RIN3: variants seen among roughly 807,000 people sequenced by gnomAD.
RIN3 encodes the protein RAB5 interacting protein 3.
RIN3 carries 54 observed loss-of-function variants against 76.3 expected under a neutral mutation model. That is an observed-to-expected ratio of 0.71 (90% CI 0.57 to 0.89). RIN3 has a LOEUF of 0.89. Ranked by LOEUF, RIN3 falls within the 40% of genes least tolerant of loss-of-function variation. The pLI is 0.00. For missense variants in RIN3, 1,256 were observed against 1,322.1 expected (o/e 0.95, Z 0.78); for synonymous variants, 576 against 564.0 (o/e 1.02, Z -0.30).
chr14:92,638,521 G>C (rs561861826), intron 4 of RIN3, among the ~76,000 whole-genome samples: 2 of 152,172 alleles, frequency 1.3e-5, no homozygotes, highest in Admixed American at 6.5e-5. Flanking sequence ...GCAGTCAGGG[G>C]GTGGGCACAG....
intron 1 of RIN3, among the ~76,000 whole-genome samples, chr14:92,534,953 A>C (rs748344613): frequency 6.6e-6 from 1 of 152,252 alleles, no homozygotes; most frequent in Non-Finnish European, 1.5e-5. Flanking sequence ...AAATCACTTC[A>C]TCTCAGGATG....
intron 8 of RIN3, among the ~76,000 whole-genome samples, chr14:92,682,964 G>A (rs1338784625): frequency 1.3e-5 from 2 of 152,032 alleles, no homozygotes; most frequent in African/African-American, 4.8e-5. Flanking sequence ...TCAGGAGTTC[G>A]AGACCAGCCT....
At position 92,587,778 on chromosome 14, in the gene RIN3, A is replaced by G. The variant is rs1334303081; in HGVS notation, c.367+10301A>G. 4.2e-4 allele frequency among the ~76,000 whole-genome samples: 64 copies of G among 152,140 alleles called. 2 individuals are homozygous for G. Among genetic ancestry groups the G allele is most frequent in the Admixed American group, 4.2e-3 (64 of 15,278 alleles). ...CAGTGCTTCCTGGGCTTCCTGTCAC[A>G]GGAGAGCACCGGGTTTGGATAATCT... On this transcript the variant is annotated intron_variant, in intron 3 of 9. Transcript: ENST00000216487.
chr14:92,612,897 A>G lies in RIN3; in HGVS notation c.368-2510A>G, dbSNP rs551035255. Among the ~76,000 whole-genome samples, 3 of 152,342 alleles carry G rather than the reference A, an allele frequency of 2.0e-5. No individual in the cohort carries two copies. In the East Asian group the frequency reaches 5.8e-4, roughly 29 times the overall value. On this transcript the variant is annotated intron_variant, in intron 3 of 9. Coordinates refer to ENST00000216487, the MANE Select transcript of RIN3 (RefSeq NM_024832.5). ...TCCTGCAGTAGCAGCTAACCCAGCA[A>G]GGGGACTAGATACCAAAGCCTTGTA...
rs118163730 is a variant in RIN3, at chr14:92,531,715, C to T, written c.44+17739C>T. 9.0e-4 allele frequency among the ~76,000 whole-genome samples: 137 copies of T among 152,214 alleles called. 2 individuals are homozygous for T. In the East Asian group the frequency reaches 0.024, roughly 27 times the overall value. On this transcript the variant is annotated intron_variant, in intron 1 of 9. Transcript: ENST00000216487. ...ACGCTGTGTAGTTTCCTGCAATGGG[C>T]GTGTCAGGGCTGCTATCCTTGGCCT... is the stretch of plus-strand genomic sequence containing the variant.
At chr14:92,539,733 G>A (rs1897089409) in intron 1 of RIN3, among the ~76,000 whole-genome samples, 1 of 152,176 alleles carries the variant, frequency 6.6e-6, no homozygotes, top group Admixed American at 6.5e-5. Context: ...AACCAGAGAA[G>A]ATTCCAGAGG....
chr14:92,668,794 A>G (rs1389464376), intron 7 of RIN3, among the ~76,000 whole-genome samples: 1 of 152,236 alleles, frequency 6.6e-6, no homozygotes, highest in Non-Finnish European at 1.5e-5. Flanking sequence ...CATAGTTGAA[A>G]GGAGATGAGC....
chr14:92,656,364 G>A lies in RIN3; in HGVS notation c.2027-2797G>A, dbSNP rs1169389713. ...AGGTGATGGAGCCCCTGAAGGGTGT[G>A]TGTGGAGGGCAGAGGAGAGGGGACA... is the stretch of plus-strand genomic sequence containing the variant. On this transcript the variant is annotated intron_variant, in intron 6 of 9. Transcript: ENST00000216487. The surrounding 1 kb of genome is among the most constrained non-coding windows in gnomAD (Gnocchi z 5.2). Among the ~76,000 whole-genome samples, 2 of 152,204 alleles carry A rather than the reference G, an allele frequency of 1.3e-5. No homozygotes were observed.
At chr14:92,674,164 G>C (rs1888382537) in intron 7 of RIN3, among the ~76,000 whole-genome samples, 1 of 152,188 alleles carries the variant, frequency 6.6e-6, no homozygotes, top group African/African-American at 2.4e-5. Context: ...TCCCTGCCGA[G>C]GTGAGAGGAG....
At chr14:92,561,551 A>G (rs553952202) in intron 2 of RIN3, among the ~76,000 whole-genome samples, 6 of 152,216 alleles carry the variant, frequency 3.9e-5, no homozygotes, top group African/African-American at 1.2e-4. Flanking sequence ...AAGACGGTAC[A>G]GGGAGTTCCC....
Position 92,613,712 on chromosome 14 carries a change from G to C in RIN3, c.368-1695G>C, listed in dbSNP as rs180923373. Among the ~76,000 whole-genome samples, 330 of 152,272 alleles carry C rather than the reference G, an allele frequency of 2.2e-3. 5 individuals carry two copies. The highest frequency in any genetic ancestry group is 0.016 in the Admixed American group (239 of 15,296). Reference sequence around the variant, plus strand: ...CAGGTGGAAGGACAGAGGCACTGAGGGGGGAAAGGGCACGCTCTAAGCCTC... The same window carrying C: ...CAGGTGGAAGGACAGAGGCACTGAGCGGGGAAAGGGCACGCTCTAAGCCTC... On this transcript the variant is annotated intron_variant, in intron 3 of 9. Transcript: ENST00000216487.
intron 5 of RIN3, 66 bp from the exon 6 acceptor site, chr14:92,651,516 C>T (rs997880037): frequency 2.5e-6 from 3 of 1,184,920 alleles, no homozygotes; most frequent in Non-Finnish European, 3.6e-6. Flanking sequence ...CCACAGACCC[C>T]GCCCAGCACA....
chr14:92,661,752 C>CA (rs1555392562), intron 7 of RIN3, among the ~76,000 whole-genome samples: 2 of 140,850 alleles, frequency 1.4e-5, no homozygotes, highest in Non-Finnish European at 3.1e-5. Context: ...CACACACACA[C>CA]ACACACAAAA....
chr14:92,544,287 C>T (rs952097017), intron 1 of RIN3, among the ~76,000 whole-genome samples: 7 of 149,054 alleles, frequency 4.7e-5, no homozygotes, highest in African/African-American at 1.7e-4. Context: ...GCAGGCCACA[C>T]CGCACTCTTC....
chr14:92,568,945 G>A lies in RIN3; in HGVS notation c.250-8415G>A, dbSNP rs950959305. 4.6e-5 allele frequency among the ~76,000 whole-genome samples: 7 copies of A among 152,230 alleles called. No individual in the cohort carries two copies. The highest frequency in any genetic ancestry group is 1.2e-4 in the African/African-American group (5 of 41,466). ...GAGCGAGATGCTTCACCATGTGGTG[G>A]GGATGCCTGGCCCTAGTCCTGCTCT... is the stretch of plus-strand genomic sequence containing the variant. On this transcript the variant is annotated intron_variant, in intron 2 of 9. Transcript: ENST00000216487. This position sits in a 1 kb window ranked among gnomAD's most constrained non-coding sequence, Gnocchi z 4.2.
chr14:92,555,448 C>T (rs372595615), intron 1 of RIN3, among the ~76,000 whole-genome samples: 5 of 152,284 alleles, frequency 3.3e-5, no homozygotes, highest in African/African-American at 9.6e-5. Context: ...TAAGAGATCC[C>T]AGACCCTCCC....
intron 2 of RIN3, among the ~76,000 whole-genome samples, chr14:92,570,115 CAAAG>C (rs1315390189): frequency 1.3e-5 from 2 of 152,230 alleles, no homozygotes; most frequent in African/African-American, 4.8e-5. Context: ...ACGTGCAACA[CAAAG>C]AGAGCACTTT....
intron 3 of RIN3, among the ~76,000 whole-genome samples, chr14:92,610,041 T>G (rs896259172): frequency 6.6e-6 from 1 of 152,142 alleles, no homozygotes; most frequent in Non-Finnish European, 1.5e-5. Flanking sequence ...AAAAAAAATT[T>G]TAAGTATTAA....
rs566886634 is a variant in RIN3, at chr14:92,593,258, A to G, written c.367+15781A>G. ...AAAAAGAGTGGAAGACAAAAGTGGG[A>G]CCAAAGAACAAGGACAACAAATAGA... On this transcript the variant is annotated intron_variant, in intron 3 of 9. Coordinates refer to ENST00000216487, the MANE Select transcript of RIN3 (RefSeq NM_024832.5). Among the ~76,000 whole-genome samples the G allele has an allele frequency of 3.3e-5, 5 of 152,362 alleles. No homozygotes were observed. In the East Asian group the frequency reaches 9.6e-4, roughly 29 times the overall value.
Sources: gnomAD v4.1 joint callset for allele counts (sites outside exome capture counted in the v4.1 genomes callset) on GRCh38, gnomAD v4.1.1 for gene constraint, Gnocchi (gnomAD v3.1) non-coding constraint, MANE v1.5 for transcripts, NCBI Gene and HGNC (gene_info 2026-07-23, HGNC 2026-07-21) for gene names.